The following SGCD variants were observed in gnomAD, a reference collection of about 807,000 sequenced individuals.
SGCD encodes the protein delta-sarcoglycan.
Under a neutral mutation model 36.6 loss-of-function variants are expected in SGCD, and 18 were observed. The ratio of observed to expected loss-of-function variants is 0.49; its 90% confidence interval spans 0.34 to 0.73. The LOEUF is 0.73. SGCD is among the 30% of genes least tolerant of loss of function. The pLI is 0.01. For synonymous variants in SGCD, 133 were observed against 130.6 expected (o/e 1.02, Z -0.12); for missense variants, 387 against 346.7 (o/e 1.12, Z -0.92).
At position 156,508,836 on chromosome 5, in the gene SGCD, T is replaced by A. The variant is rs115974476; in HGVS notation, c.294+134T>A. On this transcript the variant is annotated intron_variant, in intron 4 of 8. Transcript: ENST00000337851. ...CTGGTATTAAGATGAATTTGCTTTCTCTTCTGAATCTTTGAGTATCATCAC... is the reference window on the plus strand; with the variant it reads ...CTGGTATTAAGATGAATTTGCTTTCACTTCTGAATCTTTGAGTATCATCAC... The A allele has an allele frequency of 3.3e-3, 1,771 of 543,130 alleles. 21 individuals are homozygous for A. Among genetic ancestry groups the A allele is most frequent in the African/African-American group, 0.03 (1,593 of 52,658 alleles). The allele number at this position is 543,130 out of a possible 1,614,324, so 33.6% of individuals were successfully genotyped here. A position where few individuals can be genotyped will look rare whatever the true frequency, so the allele number is the denominator to read the frequency against.
At chr5:155,775,486 C>T in the SGCD span, among the ~76,000 whole-genome samples, 1 of 152,126 alleles carries the variant, frequency 6.6e-6, no homozygotes, top group Non-Finnish European at 1.5e-5. Context: ...CAAACATACT[C>T]TGACTCCTGC....
intron 4 of SGCD, among the ~76,000 whole-genome samples, chr5:156,518,073 G>A (rs764383128): frequency 2.6e-5 from 4 of 152,162 alleles, no homozygotes; most frequent in Non-Finnish European, 5.9e-5. Context: ...AGACCCATCA[G>A]TGTACTGTAT....
the SGCD span, among the ~76,000 whole-genome samples, chr5:155,841,564 G>A: frequency 6.6e-6 from 1 of 151,904 alleles, no homozygotes; most frequent in African/African-American, 2.4e-5. Flanking sequence ...TGCCATTTTG[G>A]GGGGGTTGGT....
At chr5:156,747,317 T>TA (rs1258615019) in intron 7 of SGCD, among the ~76,000 whole-genome samples, 2 of 152,234 alleles carry the variant, frequency 1.3e-5, no homozygotes, top group African/African-American at 2.4e-5. Context: ...CTTAGCAGTT[T>TA]AAAACCACAG....
In SGCD at chr5:156,486,115, T is replaced by A. The variant is rs541438398; in HGVS notation, c.193-22486T>A. Among the ~76,000 whole-genome samples, 4 of 152,094 alleles carry A rather than the reference T, an allele frequency of 2.6e-5. No homozygotes were observed. In the South Asian group the frequency reaches 6.2e-4, roughly 24 times the overall value. On this transcript the variant is annotated intron_variant, in intron 3 of 8. Transcript: ENST00000337851. ...AGATCCCAGCTCTCAGCAGACTATA[T>A]CCTGCCCTGAGGCCCAAGAATCCCT...
intron 3 of SGCD, among the ~76,000 whole-genome samples, chr5:156,387,605 G>T (rs747038303): frequency 2.6e-5 from 4 of 152,198 alleles, no homozygotes; most frequent in Non-Finnish European, 5.9e-5. Context: ...CTTAGCAGAT[G>T]AAGAATTAGA....
At chr5:156,299,329 T>G (rs985174249) in intron 3 of SGCD, among the ~76,000 whole-genome samples, 4 of 152,184 alleles carry the variant, frequency 2.6e-5, no homozygotes, top group African/African-American at 9.7e-5. Flanking sequence ...ACCATGCCAA[T>G]TTGGTTACCA....
intron 1 of SGCD, among the ~76,000 whole-genome samples, chr5:156,074,799 A>G (rs1223389779): frequency 4.6e-5 from 7 of 152,264 alleles, no homozygotes; most frequent in Admixed American, 3.3e-4. Flanking sequence ...AATAGCATTC[A>G]TGTTTTTGCA....
At chr5:156,219,514 A>T (rs1419710769) in intron 3 of SGCD, among the ~76,000 whole-genome samples, 1 of 152,204 alleles carries the variant, frequency 6.6e-6, no homozygotes, top group Non-Finnish European at 1.5e-5. Context: ...ATATTTTTGC[A>T]CATACTCTGC....
At chr5:156,679,418 G>A (rs1753638494) in intron 7 of SGCD, among the ~76,000 whole-genome samples, 1 of 152,286 alleles carries the variant, frequency 6.6e-6, no homozygotes, top group Middle Eastern at 3.4e-3. Context: ...GGAAAATTCT[G>A]AGAAATGCAC....
chr5:156,312,178 G>A (rs1302350639), intron 3 of SGCD, among the ~76,000 whole-genome samples: 2 of 152,184 alleles, frequency 1.3e-5, no homozygotes, highest in Non-Finnish European at 2.9e-5. Flanking sequence ...ACTCTGAGAA[G>A]TTAGAATTCT....
At chr5:156,367,281 T>C (rs544318178) in intron 3 of SGCD, among the ~76,000 whole-genome samples, 2 of 152,204 alleles carry the variant, frequency 1.3e-5, no homozygotes, top group African/African-American at 2.4e-5. Flanking sequence ...CATGGAGATA[T>C]GAATTTCTGC....
At chr5:155,982,444 T>G (rs962055088) in intron 1 of SGCD, among the ~76,000 whole-genome samples, 8 of 152,240 alleles carry the variant, frequency 5.3e-5, no homozygotes, top group Non-Finnish European at 1.2e-4. Flanking sequence ...TAAATCCATT[T>G]GGACTTTGAA....
intron 3 of SGCD, among the ~76,000 whole-genome samples, chr5:156,319,986 A>T (rs1767615176): frequency 6.6e-6 from 1 of 152,208 alleles, no homozygotes; most frequent in Non-Finnish European, 1.5e-5. Context: ...CCACTGTGCT[A>T]GTTGTGGATT....
intron 7 of SGCD, among the ~76,000 whole-genome samples, chr5:156,741,995 C>A (rs538299766): frequency 3.3e-5 from 5 of 152,104 alleles, no homozygotes; most frequent in African/African-American, 1.2e-4. Flanking sequence ...CCTGCCTCAG[C>A]CTCCTGAGTA....
At position 156,746,867 on chromosome 5, in the gene SGCD, A is replaced by AT. The variant is rs546693372; in HGVS notation, c.576-10713dup. Among the ~76,000 whole-genome samples the AT allele has an allele frequency of 9.3e-4, 141 of 152,240 alleles. 3 individuals are homozygous for AT. The South Asian group carries it at 0.028, about 30-fold the overall frequency. ...TACAAATATTAATAAATTGAAATTT[A>AT]TCAAAATTAAAATAAAAATTTTAAG... On this transcript the variant is annotated intron_variant, in intron 7 of 8. Coordinates refer to ENST00000337851, the MANE Select transcript of SGCD (RefSeq NM_000337.6).
intron 3 of SGCD, among the ~76,000 whole-genome samples, chr5:156,345,499 G>A (rs1253949847): frequency 1.3e-5 from 2 of 152,084 alleles, no homozygotes; most frequent in African/African-American, 2.4e-5. Flanking sequence ...TTCTTGTTCT[G>A]ATGTCAAAAG....
At chr5:156,642,057 G>A (rs1238993522) in intron 6 of SGCD, among the ~76,000 whole-genome samples, 2 of 152,116 alleles carry the variant, frequency 1.3e-5, no homozygotes, top group African/African-American at 2.4e-5. Flanking sequence ...GGTTTGGTGG[G>A]GTCCTTCATG....
intron 3 of SGCD, among the ~76,000 whole-genome samples, chr5:156,480,034 TCTGA>T (rs1313028790): frequency 6.6e-6 from 1 of 152,094 alleles, no homozygotes; most frequent in Non-Finnish European, 1.5e-5. Context: ...TTCTTCACCA[TCTGA>T]CTGGGATGGC....
Sources: allele counts gnomAD v4.1 joint callset (sites outside exome capture counted in the v4.1 genomes callset), GRCh38; gene constraint gnomAD v4.1.1; transcripts MANE v1.5; gene names NCBI Gene and HGNC (gene_info 2026-07-23, HGNC 2026-07-21).